Variants in ADAMTS6 observed in about 807,000 individuals in gnomAD.
The protein encoded by ADAMTS6 is A disintegrin and metalloproteinase with thrombospondin motifs 6.
ADAMTS6 carries 23 observed loss-of-function variants against 144.3 expected under a neutral mutation model. The observed-to-expected ratio is 0.16, with a 90% confidence interval of 0.11 to 0.23. The LOEUF (loss-of-function observed/expected upper bound fraction) is 0.23, where lower values mean the gene tolerates loss of function less well. Among genes scored for constraint, ADAMTS6 ranks in the 10% least tolerant of loss-of-function variants. ADAMTS6 has a pLI of 1.00. For synonymous variants in ADAMTS6, 444 were observed against 457.5 expected (o/e 0.97, Z 0.38); for missense variants, 999 against 1,379.6 (o/e 0.72, Z 4.37).
At chr5:65,429,566 T>C (rs1241082856) in intron 7 of ADAMTS6, among the ~76,000 whole-genome samples, 1 of 152,124 alleles carries the variant, frequency 6.6e-6, no homozygotes, top group African/African-American at 2.4e-5. Flanking sequence ...CTTTTGTTAA[T>C]TGGTCTTTTG....
intron 22 of ADAMTS6, among the ~76,000 whole-genome samples, chr5:65,185,968 C>A (rs985535684): frequency 2.1e-4 from 32 of 152,178 alleles, no homozygotes; most frequent in African/African-American, 7.7e-4. Flanking sequence ...GCAACTTCTT[C>A]TAGAAATTTC....
At chr5:65,175,258 CAAGGAGAGAGAGAGAGAGAGAG>C (rs1175594993) in intron 22 of ADAMTS6, among the ~76,000 whole-genome samples, 1 of 143,972 alleles carries the variant, frequency 6.9e-6, no homozygotes. Flanking sequence ...AAGAGGGAGT[CAAGGAGAGAGAGAGAGAGAGAG>C]AAAGAGAGAG....
chr5:65,432,516 A>G (rs1234945399), intron 7 of ADAMTS6, among the ~76,000 whole-genome samples: 1 of 151,972 alleles, frequency 6.6e-6, no homozygotes, highest in Non-Finnish European at 1.5e-5. Context: ...ATACATTAGC[A>G]CTTAATCACA....
intron 7 of ADAMTS6, among the ~76,000 whole-genome samples, chr5:65,407,513 G>A (rs1432158844): frequency 9.1e-5 from 8 of 88,280 alleles, no homozygotes; most frequent in East Asian, 3.9e-4. Flanking sequence ...AACAGTCCCC[G>A]GTGTGTGATG....
intron 15 of ADAMTS6, among the ~76,000 whole-genome samples, chr5:65,235,437 C>G (rs1758591836): frequency 6.6e-6 from 1 of 152,092 alleles, no homozygotes; most frequent in Non-Finnish European, 1.5e-5. Flanking sequence ...TTGAAGGATA[C>G]AAAGTGTAGA....
chr5:65,262,837 T>C lies in ADAMTS6; in HGVS notation c.1746A>G (p.Leu582=). The C allele has an allele frequency of 6.4e-7, 1 of 1,560,046 alleles. No homozygotes were observed. The highest frequency in any genetic ancestry group is 8.6e-7 in the Non-Finnish European group (1 of 1,158,660). The part of the protein sequence containing the change: ...RTCGGGVSSS[L]RHCDSPAPSG... ...CTTACGCTGGACTGTCACAGTGTCTTAGGGATGAGGAGACGCCTCCCCCGC... is the reference window on the plus strand; with the variant it reads ...CTTACGCTGGACTGTCACAGTGTCTCAGGGATGAGGAGACGCCTCCCCCGC... Residue 582 remains leucine, a synonymous_variant, in exon 13 of 25, where the codon CTA becomes CTG. Transcript: ENST00000381055.
chr5:65,189,059 A>C (rs1754840707), intron 21 of ADAMTS6, among the ~76,000 whole-genome samples: 1 of 152,212 alleles, frequency 6.6e-6, no homozygotes, highest in Non-Finnish European at 1.5e-5. Flanking sequence ...GAAAACAGGC[A>C]GATCTCTTGT....
At chr5:65,400,371 T>A (rs1158398424) in intron 7 of ADAMTS6, among the ~76,000 whole-genome samples, 1 of 152,084 alleles carries the variant, frequency 6.6e-6, no homozygotes, top group East Asian at 1.9e-4. Flanking sequence ...CTACTGCATA[T>A]GGCTTTTTCG....
intron 15 of ADAMTS6, among the ~76,000 whole-genome samples, chr5:65,239,893 C>A (rs529225931): frequency 6.6e-6 from 1 of 152,134 alleles, no homozygotes; most frequent in Non-Finnish European, 1.5e-5. Context: ...CAGACATTGT[C>A]GGTGAGAGTG....
intron 7 of ADAMTS6, among the ~76,000 whole-genome samples, chr5:65,438,421 G>C (rs759568662): frequency 2.0e-5 from 3 of 152,124 alleles, no homozygotes; most frequent in African/African-American, 4.8e-5. Context: ...CCAGCTACTT[G>C]GGAGGCTGAG....
chr5:65,271,397 A>C (rs1027901372), intron 12 of ADAMTS6, among the ~76,000 whole-genome samples: 48 of 146,940 alleles, frequency 3.3e-4, no homozygotes, highest in South Asian at 1.3e-3. Context: ...AAAAAAAAAA[A>C]ACACAAATTA....
intron 7 of ADAMTS6, among the ~76,000 whole-genome samples, chr5:65,423,603 G>A (rs1000001800): frequency 6.6e-6 from 1 of 151,766 alleles, no homozygotes; most frequent in Non-Finnish European, 1.5e-5. Context: ...GCAAAAGCCT[G>A]TGTAAAAGCT....
At chr5:65,466,150 T>C (rs1263727157) in intron 3 of ADAMTS6, among the ~76,000 whole-genome samples, 6 of 152,334 alleles carry the variant, frequency 3.9e-5, no homozygotes, top group African/African-American at 7.2e-5. Flanking sequence ...GCTGCTAGAT[T>C]ATGTTAGTTG....
intron 11 of ADAMTS6, among the ~76,000 whole-genome samples, chr5:65,290,977 C>T (rs1742245927): frequency 6.6e-6 from 1 of 151,760 alleles, no homozygotes; most frequent in Admixed American, 6.6e-5. Context: ...CCCTTTAGCT[C>T]AATTATAAGA....
At chr5:65,232,423 AT>A (rs911190516) in intron 15 of ADAMTS6, among the ~76,000 whole-genome samples, 4 of 152,018 alleles carry the variant, frequency 2.6e-5, no homozygotes, top group Admixed American at 1.3e-4. Flanking sequence ...AATTGAGTTG[AT>A]TTTTTTTAAG....
intron 7 of ADAMTS6, among the ~76,000 whole-genome samples, chr5:65,342,924 A>C (rs1045794708): frequency 1.3e-5 from 2 of 152,148 alleles, no homozygotes; most frequent in Non-Finnish European, 2.9e-5. Flanking sequence ...GTTGAAAAAA[A>C]TCCAGAAGAC....
chr5:65,411,028 G>A (rs1398399629), intron 7 of ADAMTS6, among the ~76,000 whole-genome samples: 2 of 152,018 alleles, frequency 1.3e-5, no homozygotes, highest in Non-Finnish European at 2.9e-5. Flanking sequence ...TTGTAGAAAC[G>A]GGTCTTGCCA....
intron 22 of ADAMTS6, among the ~76,000 whole-genome samples, chr5:65,177,880 C>A (rs1157822273): frequency 6.6e-6 from 1 of 152,214 alleles, no homozygotes; most frequent in Non-Finnish European, 1.5e-5. Context: ...CATGGTAGCT[C>A]TCTTCCAGGA....
chr5:65,402,975 T>A (rs1240893501), intron 7 of ADAMTS6, among the ~76,000 whole-genome samples: 1 of 152,106 alleles, frequency 6.6e-6, no homozygotes, highest in East Asian at 1.9e-4. Context: ...TTCCTTTTTT[T>A]TTCATAAACC....
Sources: gnomAD v4.1 joint callset for allele counts (sites outside exome capture counted in the v4.1 genomes callset) on GRCh38, gnomAD v4.1.1 for gene constraint, MANE v1.5 for transcripts, NCBI Gene and HGNC (gene_info 2026-07-23, HGNC 2026-07-21) for gene names.